GABRA3: variants seen among roughly 807,000 people sequenced by gnomAD.
GABRA3 encodes gamma-aminobutyric acid receptor subunit alpha-3.
A neutral mutation model predicts 30.1 loss-of-function variants in GABRA3; 10 were observed. The observed-to-expected ratio is 0.33, with a 90% CI of 0.20 to 0.56. The LOEUF (loss-of-function observed/expected upper bound fraction) is 0.56, where lower values mean the gene tolerates loss of function less well. Among genes scored for constraint, GABRA3 ranks in the 20% least tolerant of loss-of-function variants. The pLI is 0.89. For missense variants in GABRA3, 233 were observed against 392.0 expected (o/e 0.59, Z 3.42); for synonymous variants, 151 against 146.8 (o/e 1.03, Z -0.21).
At chrX:152,411,695 C>A (rs1930075242) in intron 1 of GABRA3, among the ~76,000 whole-genome samples, 1 of 111,276 alleles carries the variant, frequency 9.0e-6, no homozygotes, top group East Asian at 2.8e-4. Flanking sequence ...ACCAAAAGCA[C>A]AAGGAACAAA....
chrX:152,348,089 AT>A (rs759783802), intron 2 of GABRA3, among the ~76,000 whole-genome samples: 103 of 111,679 alleles, frequency 9.2e-4, no homozygotes, highest in Middle Eastern at 9.2e-3. Context: ...TTTATTACTG[AT>A]TTTTTTTCTC....
At chrX:152,405,633 C>T (rs1279459933) in intron 1 of GABRA3, among the ~76,000 whole-genome samples, 2 of 110,985 alleles carry the variant, frequency 1.8e-5, no homozygotes, top group Non-Finnish European at 3.8e-5. Flanking sequence ...CCAGCTCAGC[C>T]ACAGTAAAAT....
rs780081241 is a variant in GABRA3, at chrX:152,323,333, G to A, written c.262+22248C>T. Among the ~76,000 whole-genome samples the A allele has an allele frequency of 5.4e-5, 6 of 111,495 alleles. No homozygotes were observed. In the East Asian group the frequency reaches 1.7e-3, roughly 31 times the overall value. ...ATTTTGAATGTCAGTTCTAGTACAA[G>A]TAGCAGCGGGGGATCAGTAAACACC... is the stretch of plus-strand genomic sequence containing the variant. On this transcript the variant is annotated intron_variant, in intron 3 of 9. Coordinates refer to ENST00000370314, the MANE Select transcript of GABRA3 (RefSeq NM_000808.4).
chrX:152,432,736 C>G (rs979787362), intron 1 of GABRA3, among the ~76,000 whole-genome samples: 2 of 111,075 alleles, frequency 1.8e-5, no homozygotes, highest in Non-Finnish European at 1.9e-5. Flanking sequence ...GTTCCAGAAA[C>G]TGGAAAAAGA....
chrX:152,397,576 T>C (rs946490557), intron 1 of GABRA3, among the ~76,000 whole-genome samples: 2 of 111,742 alleles, frequency 1.8e-5, no homozygotes, highest in African/African-American at 6.5e-5. Context: ...CCAGACTATT[T>C]GTATTCCGAA....
chrX:152,190,782 G>A (rs1368821146), intron 8 of GABRA3, among the ~76,000 whole-genome samples: 1 of 108,633 alleles, frequency 9.2e-6, no homozygotes, highest in East Asian at 2.9e-4. Context: ...TTTTTTGGGG[G>A]GAGTGTTATT....
chrX:152,340,204 C>T (rs1316504632), intron 3 of GABRA3, among the ~76,000 whole-genome samples: 1 of 112,164 alleles, frequency 8.9e-6, no homozygotes, highest in Non-Finnish European at 1.9e-5. Flanking sequence ...AGTGCACATC[C>T]TTATCACAGT....
intron 3 of GABRA3, among the ~76,000 whole-genome samples, chrX:152,315,974 C>G (rs1378574012): frequency 5.5e-5 from 3 of 54,136 alleles, no homozygotes; most frequent in Non-Finnish European, 1.0e-4. Context: ...CCCCCCGACC[C>G]CCCCCCCCCC....
At chrX:152,237,208 C>A (rs879004339) in intron 5 of GABRA3, among the ~76,000 whole-genome samples, 13 of 111,116 alleles carry the variant, frequency 1.2e-4, no homozygotes, top group South Asian at 7.6e-4. Flanking sequence ...TCAGCTTTCT[C>A]CATATGGCTA....
chrX:152,299,366 G>T (rs993794573), intron 3 of GABRA3, among the ~76,000 whole-genome samples: 7 of 110,598 alleles, frequency 6.3e-5, no homozygotes, highest in Non-Finnish European at 1.1e-4. Context: ...TGATGCCTGG[G>T]GTATGGCTCA....
Position 152,328,667 on chromosome X carries a change from T to G in GABRA3, c.262+16914A>C, listed in dbSNP as rs1940108592. ...TTCAACAGCCCTTCATGCTAAAAAC[T>G]CCCAATAAACTAGGTATTGATGGAA... On this transcript the variant is annotated intron_variant, in intron 3 of 9. Coordinates refer to ENST00000370314, the MANE Select transcript of GABRA3 (RefSeq NM_000808.4). Among the ~76,000 whole-genome samples, 5 of 111,503 alleles carry G rather than the reference T, an allele frequency of 4.5e-5. No individual in the cohort carries two copies. The Admixed American group carries it at 4.8e-4, about 11-fold the overall frequency.
chrX:152,259,233 A>G (rs1046879968), intron 4 of GABRA3, among the ~76,000 whole-genome samples: 9 of 112,042 alleles, frequency 8.0e-5, no homozygotes, highest in African/African-American at 2.3e-4. Flanking sequence ...TTCAGTTTCC[A>G]TAAGCCTTGC....
chrX:152,321,651 A>C (rs773114221), intron 3 of GABRA3, among the ~76,000 whole-genome samples: 1 of 111,926 alleles, frequency 8.9e-6, no homozygotes, highest in South Asian at 3.8e-4. Flanking sequence ...GAAACAAAGT[A>C]GTAACAAAAG....
intron 1 of GABRA3, among the ~76,000 whole-genome samples, chrX:152,369,411 T>A (rs1016698475): frequency 9.0e-6 from 1 of 110,713 alleles, no homozygotes; most frequent in Non-Finnish European, 1.9e-5. Flanking sequence ...CATGACCTGA[T>A]CTCCAAATAG....
chrX:152,440,986 C>T (rs1352487516), intron 1 of GABRA3, among the ~76,000 whole-genome samples: 1 of 97,389 alleles, frequency 1.0e-5, no homozygotes, highest in African/African-American at 3.8e-5. Flanking sequence ...ACGTTCTGCA[C>T]ATGTACCTCA....
chrX:152,428,370 G>C (rs1930563220), intron 1 of GABRA3, among the ~76,000 whole-genome samples: 1 of 112,212 alleles, frequency 8.9e-6, no homozygotes, highest in African/African-American at 3.2e-5. Flanking sequence ...TGGGGCTGCA[G>C]TCAGACAGAT....
intron 2 of GABRA3, among the ~76,000 whole-genome samples, chrX:152,347,310 TAG>T (rs1163835536): frequency 9.0e-6 from 1 of 111,416 alleles, no homozygotes; most frequent in Admixed American, 9.6e-5. Flanking sequence ...CTCATGGAGA[TAG>T]AGAGTAGAAG....
At chrX:152,358,254 T>G (rs56311474) in intron 2 of GABRA3, among the ~76,000 whole-genome samples, 13,368 of 110,692 alleles carry the variant, frequency 0.12, 675 homozygotes, top group African/African-American at 0.17. Context: ...ATGCTTATTG[T>G]AGAGCTCTTT....
chrX:152,238,575 T>C (rs1938281608), intron 5 of GABRA3, among the ~76,000 whole-genome samples: 1 of 107,710 alleles, frequency 9.3e-6, no homozygotes, highest in Non-Finnish European at 1.9e-5. Context: ...ATGGTACCAG[T>C]TCCTCCTTGT....
Sources: allele counts gnomAD v4.1 joint callset (sites outside exome capture counted in the v4.1 genomes callset), GRCh38; gene constraint gnomAD v4.1.1; transcripts MANE v1.5; gene names NCBI Gene and HGNC (gene_info 2026-07-23, HGNC 2026-07-21).